SGK1: variants seen among roughly 807,000 people sequenced by gnomAD.
SGK1 encodes the protein serum/glucocorticoid regulated kinase 1, also known as serine/threonine-protein kinase Sgk1.
SGK1 carries 26 observed loss-of-function variants against 64.2 expected under a neutral mutation model. That is an observed-to-expected ratio of 0.40 (90% confidence interval 0.30 to 0.56). The LOEUF is 0.56. Among genes scored for constraint, SGK1 ranks in the 20% least tolerant of loss-of-function variants. The pLI, the probability that SGK1 is intolerant of heterozygous loss-of-function variation, is 0.38. For synonymous variants in SGK1, 265 were observed against 239.7 expected (o/e 1.11, Z -0.98); for missense variants, 519 against 645.6 (o/e 0.80, Z 2.12).
chr6:134,232,902 G>A (rs954362291), intron 2 of SGK1, among the ~76,000 whole-genome samples: 6 of 151,848 alleles, frequency 4.0e-5, no homozygotes, highest in African/African-American at 1.5e-4. Flanking sequence ...ATAAGTCAAT[G>A]TAGGAAACAA....
At chr6:134,223,399 A>T (rs1562256440) in intron 2 of SGK1, among the ~76,000 whole-genome samples, 5 of 151,792 alleles carry the variant, frequency 3.3e-5, no homozygotes. Flanking sequence ...ATAAGAAATG[A>T]TTCTTAGGCC....
chr6:134,277,584 T>C (rs1296556163), intron 1 of SGK1, among the ~76,000 whole-genome samples: 1 of 151,984 alleles, frequency 6.6e-6, no homozygotes, highest in African/African-American at 2.4e-5. Flanking sequence ...CACTATAAAA[T>C]AAGACAGAGT....
intron 13 of SGK1, 176 bp from the exon 14 acceptor site, chr6:134,170,611 C>G (rs371256479): frequency 1.4e-6 from 1 of 697,990 alleles, no homozygotes; most frequent in African/African-American, 1.8e-5. Flanking sequence ...ATAATGTTCA[C>G]TTGTTGCCTT....
At chr6:134,213,640 AAAT>A (rs1332259425) in intron 2 of SGK1, among the ~76,000 whole-genome samples, 19 of 121,512 alleles carry the variant, frequency 1.6e-4, no homozygotes, top group East Asian at 4.0e-4. Context: ...ATAAATAAAT[AAAT>A]AATAAATAAA....
At chr6:134,197,829 A>G (rs1188149776) in intron 3 of SGK1, among the ~76,000 whole-genome samples, 2 of 150,600 alleles carry the variant, frequency 1.3e-5, no homozygotes, top group African/African-American at 2.5e-5. Context: ...TCCATCTCAA[A>G]GAATAAAATA....
chr6:134,301,327 C>G (rs537861781), intron 1 of SGK1, among the ~76,000 whole-genome samples: 1 of 152,204 alleles, frequency 6.6e-6, no homozygotes, highest in South Asian at 2.1e-4. Flanking sequence ...AAAAGATGTT[C>G]AGAGGCTGGT....
rs748143997 is a variant in SGK1, at chr6:134,183,014, AAAG to A, written c.362-8431_362-8429del. ...ACCTATTGAGAGGGTGGAGTCATTGAAAGAAGATCAGAGGCCAGTCATACTTAT... is the reference window on the plus strand; with the variant it reads ...ACCTATTGAGAGGGTGGAGTCATTGAAAGATCAGAGGCCAGTCATACTTAT... On this transcript the variant is annotated intron_variant, in intron 3 of 13. Coordinates refer to ENST00000367858, the MANE Select transcript of SGK1 (RefSeq NM_001143676.3). 2.0e-5 allele frequency among the ~76,000 whole-genome samples: 3 copies of A among 152,224 alleles called. No individual in the cohort carries two copies. The South Asian group carries it at 6.2e-4, about 32-fold the overall frequency.
chr6:134,265,529 ATAT>A (rs1407994761), intron 1 of SGK1, among the ~76,000 whole-genome samples: 1 of 147,418 alleles, frequency 6.8e-6, no homozygotes, highest in Non-Finnish European at 1.5e-5. Context: ...ATATACATAT[ATAT>A]TTTATATACA....
Position 134,169,452 on chromosome 6 carries a change from AATAC to A in SGK1, c.*812_*815del, listed in dbSNP as rs918656910. The A allele has an allele frequency of 3.9e-5, 6 of 152,524 alleles. No individual in the cohort carries two copies. Among genetic ancestry groups the A allele is most frequent in the Non-Finnish European group, 8.8e-5 (6 of 67,988 alleles). 9.4% of individuals were successfully genotyped at this position (152,524 alleles called of 1,614,324 possible). On this transcript the variant is annotated 3_prime_UTR_variant, in exon 14 of 14. Coordinates refer to ENST00000367858, the MANE Select transcript of SGK1 (RefSeq NM_001143676.3). ...CCCAATGTACAGACGTTCTTTATAC[AATAC>A]ATACAATTATCAGGAATGCAAAAAA...
At chr6:134,207,645 C>G (rs1775814892) in intron 2 of SGK1, among the ~76,000 whole-genome samples, 1 of 152,120 alleles carries the variant, frequency 6.6e-6, no homozygotes, top group East Asian at 1.9e-4. Context: ...CAAACCGGGA[C>G]AGTTGGTCCC....
chr6:134,213,615 A>T (rs375706733), intron 2 of SGK1, among the ~76,000 whole-genome samples: 2 of 123,006 alleles, frequency 1.6e-5, no homozygotes. Context: ...ACTCTGTCTC[A>T]AAATAAATAA....
intron 1 of SGK1, among the ~76,000 whole-genome samples, chr6:134,289,033 A>G (rs1009409417): frequency 1.4e-4 from 21 of 152,240 alleles, no homozygotes; most frequent in African/African-American, 5.1e-4. Context: ...GAAACCACAA[A>G]GATCCTCCTG....
At chr6:134,272,307 A>AT (rs527544494) in intron 1 of SGK1, among the ~76,000 whole-genome samples, 2,528 of 119,424 alleles carry the variant, frequency 0.021, 117 homozygotes, top group Non-Finnish European at 0.024. Flanking sequence ...TGACCAGCTA[A>AT]TTTTTTTTTT....
At chr6:134,317,315 G>C (rs1777700971) in intron 1 of SGK1, 77 bp downstream of exon 1, 2 of 943,754 alleles carry the variant, frequency 2.1e-6, no homozygotes, top group Middle Eastern at 2.1e-4. Flanking sequence ...AAAACCTCAG[G>C]CTTACTTCAG....
At chr6:134,222,607 A>T (rs1776107663) in intron 2 of SGK1, among the ~76,000 whole-genome samples, 1 of 152,158 alleles carries the variant, frequency 6.6e-6, no homozygotes, top group Admixed American at 6.5e-5. Flanking sequence ...AAGTGCTGGG[A>T]TTACAGGCGT....
At chr6:134,231,911 A>C (rs938987731) in intron 2 of SGK1, among the ~76,000 whole-genome samples, 1 of 151,078 alleles carries the variant, frequency 6.6e-6, no homozygotes, top group Admixed American at 6.6e-5. Flanking sequence ...GTGGTGGCAG[A>C]AGCCTGTAAT....
At chr6:134,207,060 C>T (rs1191382331) in intron 3 of SGK1, among the ~76,000 whole-genome samples, 2 of 151,356 alleles carry the variant, frequency 1.3e-5, no homozygotes, top group Non-Finnish European at 2.9e-5. Context: ...ACCATCTCTA[C>T]TAAAAATACA....
chr6:134,282,182 AT>A (rs1777104195), intron 1 of SGK1, among the ~76,000 whole-genome samples: 1 of 151,832 alleles, frequency 6.6e-6, no homozygotes, highest in African/African-American at 2.4e-5. Flanking sequence ...AATTTTATTT[AT>A]TTATTTATTT....
intron 3 of SGK1, among the ~76,000 whole-genome samples, chr6:134,195,608 C>A (rs1055277901): frequency 5.9e-5 from 9 of 152,182 alleles, no homozygotes; most frequent in Admixed American, 5.9e-4. Context: ...AATAACCCAT[C>A]CTTGAACTTG....
Sources: allele counts gnomAD v4.1 joint callset (sites outside exome capture counted in the v4.1 genomes callset), GRCh38; gene constraint gnomAD v4.1.1; transcripts MANE v1.5; gene names NCBI Gene and HGNC (gene_info 2026-07-23, HGNC 2026-07-21).